PRDM16: variants seen among roughly 807,000 people sequenced by gnomAD.
The protein encoded by PRDM16 is PR/SET domain 16, also known as histone-lysine N-methyltransferase PRDM16.
A neutral mutation model predicts 110.6 loss-of-function variants in PRDM16; 23 were observed. That is an observed-to-expected ratio of 0.21 (90% CI 0.15 to 0.29). The LOEUF is 0.29. Ranked by LOEUF, PRDM16 falls within the 10% of genes least tolerant of loss-of-function variation. PRDM16 has a pLI of 1.00. For synonymous variants in PRDM16, 799 were observed against 781.8 expected (o/e 1.02, Z -0.37); for missense variants, 1,615 against 1,794.3 (o/e 0.90, Z 1.81).
At chr1:3,212,282 C>T (rs961845427) in intron 2 of PRDM16, among the ~76,000 whole-genome samples, 1 of 152,216 alleles carries the variant, frequency 6.6e-6, no homozygotes, top group Admixed American at 6.5e-5. Flanking sequence ...TTAAGCTCCT[C>T]ATTTGTCCCC....
chr1:3,347,052 G>A (rs1444471442), intron 3 of PRDM16, among the ~76,000 whole-genome samples: 1 of 152,198 alleles, frequency 6.6e-6, no homozygotes, highest in Admixed American at 6.5e-5. Context: ...AACTTGCAGC[G>A]ACCACCTTGA....
At position 3,143,356 on chromosome 1, in the gene PRDM16, A is replaced by G. The variant is rs1569673191; in HGVS notation, c.38-42769A>G. ...ACCCTCAGGCAGTAGGGCTCCAAGC[A>G]CCAGCCCCTCGCCCCAGTCCCAGCA... On this transcript the variant is annotated intron_variant, in intron 1 of 16. Coordinates refer to ENST00000270722, the MANE Select transcript of PRDM16 (RefSeq NM_022114.4). This position sits in a 1 kb window ranked among gnomAD's most constrained non-coding sequence, Gnocchi z 4.5. Among the ~76,000 whole-genome samples the G allele has an allele frequency of 6.6e-6, 1 of 152,184 alleles. No individual in the cohort carries two copies. Among genetic ancestry groups the G allele is most frequent in the South Asian group, 2.1e-4 (1 of 4,830 alleles).
At chr1:3,356,149 C>G (rs932256955) in intron 3 of PRDM16, among the ~76,000 whole-genome samples, 1 of 152,248 alleles carries the variant, frequency 6.6e-6, no homozygotes, top group Non-Finnish European at 1.5e-5. Context: ...GCAGAACCTC[C>G]CTCATCTTGA....
rs1309286668 is a variant in PRDM16, at chr1:3,352,099, A to G, written c.439-33053A>G. 2.6e-5 allele frequency among the ~76,000 whole-genome samples: 4 copies of G among 152,314 alleles called. No homozygotes were observed. The East Asian group carries it at 7.7e-4, about 29-fold the overall frequency. ...ACTCTGGGCAGCATGACCAGCTCAG[A>G]CAGCCCCAGGCCAACCCTGGCACAC... On this transcript the variant is annotated intron_variant, in intron 3 of 16. Transcript: ENST00000270722.
In PRDM16 at chr1:3,246,170, TG is replaced by T. The variant is rs1344177409; in HGVS notation, c.438+2036del. ...CGCCTTCTGTGCCTCTGGGCCACGG[TG>T]GGTTTGCCTTTGTGTCTTATATGTG... On this transcript the variant is annotated intron_variant, in intron 3 of 16. Coordinates refer to ENST00000270722, the MANE Select transcript of PRDM16 (RefSeq NM_022114.4). This position sits in a 1 kb window ranked among gnomAD's most constrained non-coding sequence, Gnocchi z 5.2. Among the ~76,000 whole-genome samples the T allele has an allele frequency of 1.3e-5, 2 of 152,112 alleles. No homozygotes were observed. The highest frequency in any genetic ancestry group is 3.9e-4 in the East Asian group (2 of 5,182).
intron 3 of PRDM16, among the ~76,000 whole-genome samples, chr1:3,297,280 A>ATTT (rs34666813): frequency 4.1e-5 from 5 of 120,984 alleles, no homozygotes; most frequent in African/African-American, 1.6e-4. Flanking sequence ...GGTGAGAGGA[A>ATTT]TTTTTTTTTT....
intron 2 of PRDM16, among the ~76,000 whole-genome samples, chr1:3,237,702 G>A (rs560661124): frequency 3.5e-4 from 54 of 152,326 alleles, no homozygotes; most frequent in Middle Eastern, 3.4e-3. Flanking sequence ...AGCCTCGCCC[G>A]GGCGGTGTGT....
chr1:3,145,644 C>A (rs191975464), intron 1 of PRDM16, among the ~76,000 whole-genome samples: 2 of 152,160 alleles, frequency 1.3e-5, no homozygotes, highest in Non-Finnish European at 2.9e-5. Context: ...GTGTGTCCTG[C>A]GTGGTCCGTA....
intron 3 of PRDM16, among the ~76,000 whole-genome samples, chr1:3,376,702 CCT>C (rs144183017): frequency 1.5e-4 from 23 of 150,314 alleles, no homozygotes; most frequent in Non-Finnish European, 2.2e-4. Context: ...CAAGCAGCAG[CCT>C]CTCTCTCTCT....
chr1:3,404,983 A>C, intron 7 of PRDM16, 97 bp downstream of exon 7: 1 of 1,377,100 alleles, frequency 7.3e-7, no homozygotes, highest in Non-Finnish European at 9.8e-7. Flanking sequence ...GTCCAAATGT[A>C]GATGGAGTGC....
chr1:3,234,152 T>C (rs1639485804), intron 2 of PRDM16, among the ~76,000 whole-genome samples: 4 of 152,154 alleles, frequency 2.6e-5, no homozygotes. Context: ...CATGGGACTG[T>C]CGTGTTGATT....
chr1:3,150,092 A>G (rs1643748039), intron 1 of PRDM16, among the ~76,000 whole-genome samples: 1 of 152,202 alleles, frequency 6.6e-6, no homozygotes, highest in African/African-American at 2.4e-5. Context: ...CAGGGCACAG[A>G]CATCCCTCCT....
intron 3 of PRDM16, chr1:3,308,816 G>A (rs1260463878): frequency 6.6e-6 from 1 of 152,264 alleles, no homozygotes; most frequent in Non-Finnish European, 1.5e-5. Context: ...GACTTTGGCA[G>A]CTTAGTGCCT....
intron 1 of PRDM16, among the ~76,000 whole-genome samples, chr1:3,121,418 C>T (rs889668547): frequency 1.3e-5 from 2 of 152,188 alleles, no homozygotes; most frequent in Non-Finnish European, 2.9e-5. Context: ...TTTTCAGGAC[C>T]GGGCTCAGAA....
intron 1 of PRDM16, among the ~76,000 whole-genome samples, chr1:3,156,142 G>A (rs954168144): frequency 1.1e-4 from 17 of 152,130 alleles, no homozygotes; most frequent in African/African-American, 1.9e-4. Flanking sequence ...AATATATCTC[G>A]TTGATTTCCT....
intron 3 of PRDM16, among the ~76,000 whole-genome samples, chr1:3,292,932 T>C (rs2500295): frequency 0.8 from 121,690 of 152,188 alleles, 48,869 homozygotes; most frequent in East Asian, 0.99. Flanking sequence ...TTTTCCTGTT[T>C]GTCTTCTGTG....
chr1:3,314,077 G>C lies in PRDM16; in HGVS notation c.438+69940G>C, dbSNP rs536677609. ...GAATGCCGTCCTTCCCCACCGGGGG[G>C]GGGGGCGGGAACATAAAATGGACCC... is the stretch of plus-strand genomic sequence containing the variant. On this transcript the variant is annotated intron_variant, in intron 3 of 16. Transcript: ENST00000270722. 7.9e-5 allele frequency among the ~76,000 whole-genome samples: 12 copies of C among 151,038 alleles called. 1 individual carries two copies. The highest frequency in any genetic ancestry group is 3.2e-3 in the Middle Eastern group (1 of 316).
At chr1:3,408,942 G>C (rs531928388) in intron 8 of PRDM16, among the ~76,000 whole-genome samples, 7 of 143,330 alleles carry the variant, frequency 4.9e-5, no homozygotes, top group African/African-American at 1.6e-4. Context: ...GCACGCATGA[G>C]AGTGAGGGGC....
At chr1:3,173,165 G>A (rs1261250883) in intron 1 of PRDM16, among the ~76,000 whole-genome samples, 1 of 152,210 alleles carries the variant, frequency 6.6e-6, no homozygotes, top group Non-Finnish European at 1.5e-5. Context: ...GAAACAGTGA[G>A]ATGTGAGCAA....
Sources: gnomAD v4.1 joint callset for allele counts (sites outside exome capture counted in the v4.1 genomes callset) on GRCh38, gnomAD v4.1.1 for gene constraint, Gnocchi (gnomAD v3.1) non-coding constraint, MANE v1.5 for transcripts, NCBI Gene and HGNC (gene_info 2026-07-23, HGNC 2026-07-21) for gene names.